Variants in GSDMC observed in about 807,000 individuals in gnomAD.
GSDMC encodes the protein gasdermin-C.
GSDMC carries 59 observed loss-of-function variants against 58.0 expected under a neutral mutation model. The ratio of observed to expected loss-of-function variants is 1.02; its 90% CI spans 0.82 to 1.26. GSDMC has a LOEUF of 1.26. GSDMC is among the 50% of genes most tolerant of loss of function. GSDMC has a pLI of 0.00. For synonymous variants in GSDMC, 241 were observed against 220.2 expected (o/e 1.09, Z -0.83); for missense variants, 659 against 598.5 (o/e 1.10, Z -1.06).
At chr8:129,728,839 C>G in the GSDMC span, 1 of 596,426 alleles carries the variant, frequency 1.7e-6, no homozygotes, top group Admixed American at 2.4e-5. Context: ...TGAGGTAGCC[C>G]GCTGCTGGAG....
At chr8:129,710,095 T>A in the GSDMC span, among the ~76,000 whole-genome samples, 1 of 152,266 alleles carries the variant, frequency 6.6e-6, no homozygotes. Flanking sequence ...AAGTAAATAC[T>A]ATTTTTTTCT....
rs117301865 is a variant in GSDMC at position 129,751,611 on chromosome 8, C to A, written c.917-43G>T. On this transcript the variant is annotated intron_variant, in intron 9 of 13. Transcript: ENST00000276708. Reference sequence around the variant, plus strand: ...TCATCATCTCACTTCCTCATCCCCCCAAATTTGCTTTTCAGATGTTTTGGA... The same window carrying A: ...TCATCATCTCACTTCCTCATCCCCCAAAATTTGCTTTTCAGATGTTTTGGA... 13,827 of 1,597,236 alleles carry A rather than the reference C, an allele frequency of 8.7e-3. 379 individuals are homozygous for A. In the East Asian group the frequency reaches 0.11, roughly 13 times the overall value.
the GSDMC span, chr8:129,728,847 G>GT: frequency 3.3e-6 from 2 of 611,466 alleles, no homozygotes; most frequent in Non-Finnish European, 6.3e-6. Context: ...CCCGCTGCTG[G>GT]AGAGGCTGTT....
At chr8:129,717,368 T>A in the GSDMC span, among the ~76,000 whole-genome samples, 1 of 151,818 alleles carries the variant, frequency 6.6e-6, no homozygotes, top group Non-Finnish European at 1.5e-5. Flanking sequence ...GGAGGGTGTA[T>A]GTGTCTAGAA....
At chr8:129,725,404 C>T in the GSDMC span, among the ~76,000 whole-genome samples, 1 of 152,192 alleles carries the variant, frequency 6.6e-6, no homozygotes, top group African/African-American at 2.4e-5. Flanking sequence ...ATTGTGTACT[C>T]TGCCACATGC....
chr8:129,765,253 C>T (rs565461569), intron 4 of GSDMC, among the ~76,000 whole-genome samples: 4 of 152,156 alleles, frequency 2.6e-5, no homozygotes, highest in East Asian at 1.9e-4. Flanking sequence ...CTTTAACAAC[C>T]GGGGTTTGGT....
chr8:129,779,446 T>C (rs909931650), intron 1 of GSDMC, among the ~76,000 whole-genome samples: 1 of 152,116 alleles, frequency 6.6e-6, no homozygotes, highest in Admixed American at 6.6e-5. Context: ...CACTGGGGCC[T>C]ACTGGAAGGT....
At chr8:129,730,297 AC>A in the GSDMC span, 1 of 1,371,312 alleles carries the variant, frequency 7.3e-7, no homozygotes, top group Non-Finnish European at 1.0e-6. Context: ...TTTCCACAGA[AC>A]CAGGTCACAG....
At chr8:129,715,422 T>C in the GSDMC span, among the ~76,000 whole-genome samples, 2 of 151,996 alleles carry the variant, frequency 1.3e-5, no homozygotes, top group Non-Finnish European at 2.9e-5. Context: ...ATGAGAGTGA[T>C]AGGAGACAGA....
At chr8:129,706,028 A>T in the GSDMC span, among the ~76,000 whole-genome samples, 1 of 152,206 alleles carries the variant, frequency 6.6e-6, no homozygotes, top group African/African-American at 2.4e-5. Context: ...AATAGTAATT[A>T]ACATGAAGAA....
chr8:129,772,089 T>C lies in GSDMC; in HGVS notation c.404+4013A>G, dbSNP rs187427204. Among the ~76,000 whole-genome samples the C allele has an allele frequency of 4.5e-3, 682 of 151,592 alleles. 6 individuals carry two copies. Among genetic ancestry groups the C allele is most frequent in the African/African-American group, 0.014 (583 of 41,358 alleles). On this transcript the variant is annotated intron_variant, in intron 3 of 13. Transcript: ENST00000276708. ...ACCATCCTGGCTAACACGGTGAAAC[T>C]CCGTCTCTACTAAAAATACAAAAAA...
the GSDMC span, among the ~76,000 whole-genome samples, chr8:129,709,209 T>G: frequency 6.6e-6 from 1 of 151,768 alleles, no homozygotes; most frequent in African/African-American, 2.4e-5. Flanking sequence ...TCCCACACAT[T>G]GGAGCAATTG....
chr8:129,711,624 G>C, the GSDMC span, among the ~76,000 whole-genome samples: 1 of 152,224 alleles, frequency 6.6e-6, no homozygotes, highest in Non-Finnish European at 1.5e-5. Context: ...TTTCAAGGCT[G>C]ATGAGGGGGC....
At chr8:129,764,625 G>A (rs2033792626) in intron 4 of GSDMC, among the ~76,000 whole-genome samples, 1 of 152,192 alleles carries the variant, frequency 6.6e-6, no homozygotes, top group Admixed American at 6.5e-5. Flanking sequence ...GCTATGCAGA[G>A]GTGGGAAGGG....
At chr8:129,763,318 C>T (rs748216551) in intron 4 of GSDMC, among the ~76,000 whole-genome samples, 6 of 152,072 alleles carry the variant, frequency 3.9e-5, no homozygotes, top group Non-Finnish European at 7.4e-5. Context: ...ACTTTATTTC[C>T]CTTTTAGAAA....
the GSDMC span, among the ~76,000 whole-genome samples, chr8:129,718,797 G>A: frequency 3.3e-5 from 5 of 152,268 alleles, no homozygotes; most frequent in East Asian, 1.9e-4. Context: ...GCCCATCAAC[G>A]ATAGACTGGA....
chr8:129,780,238 G>A (rs1280552055), intron 1 of GSDMC, among the ~76,000 whole-genome samples: 1 of 152,098 alleles, frequency 6.6e-6, no homozygotes, highest in Non-Finnish European at 1.5e-5. Context: ...TGCAAAGGGA[G>A]AACTTCCCAA....
At chr8:129,770,182 C>T (rs899401888) in intron 3 of GSDMC, among the ~76,000 whole-genome samples, 3 of 152,088 alleles carry the variant, frequency 2.0e-5, no homozygotes, top group African/African-American at 7.2e-5. Context: ...GCTTTTTATG[C>T]AATCAAAATT....
intron 11 of GSDMC, 100 bp downstream of exon 11, chr8:129,750,331 C>A (rs1182264711): frequency 7.1e-6 from 9 of 1,265,344 alleles, no homozygotes; most frequent in Non-Finnish European, 9.9e-6. Context: ...CCCCTGGCAT[C>A]TTGCTTATTC....
Sources: allele counts gnomAD v4.1 joint callset (sites outside exome capture counted in the v4.1 genomes callset), GRCh38; gene constraint gnomAD v4.1.1; transcripts MANE v1.5; gene names NCBI Gene and HGNC (gene_info 2026-07-23, HGNC 2026-07-21).